APOO: variants seen among roughly 807,000 people sequenced by gnomAD.
APOO encodes MICOS complex subunit MIC26.
Under a neutral mutation model 23.1 loss-of-function variants are expected in APOO, and 11 were observed. The ratio of observed to expected loss-of-function variants is 0.48; its 90% CI spans 0.30 to 0.79. The LOEUF (loss-of-function observed/expected upper bound fraction) is 0.79, where lower values mean the gene tolerates loss of function less well. Ranked by LOEUF, APOO falls within the 30% of genes least tolerant of loss-of-function variation. APOO has a pLI of 0.07. For synonymous variants in APOO, 59 were observed against 54.8 expected (o/e 1.08, Z -0.34); for missense variants, 160 against 142.7 (o/e 1.12, Z -0.62).
chrX:23,876,941 CATTATAATTACAAAAACT>C (rs1925885972), intron 3 of APOO, among the ~76,000 whole-genome samples: 1 of 112,214 alleles, frequency 8.9e-6, no homozygotes, highest in African/African-American at 3.2e-5. Context: ...AAAACAAAAC[CATTATAATTACAAAAACT>C]ATTATAATTA....
At chrX:23,854,305 G>C (rs1175864462) in intron 7 of APOO, among the ~76,000 whole-genome samples, 1 of 111,760 alleles carries the variant, frequency 8.9e-6, no homozygotes, top group African/African-American at 3.2e-5. Context: ...TGGTGTGCGT[G>C]TGTGTCTGCA....
intron 7 of APOO, among the ~76,000 whole-genome samples, chrX:23,849,494 G>A (rs941877319): frequency 8.7e-5 from 9 of 103,749 alleles, no homozygotes; most frequent in South Asian, 4.6e-4. Flanking sequence ...AAACTCTATA[G>A]GTGAAATGTG....
At chrX:23,876,729 G>C (rs1369758004) in intron 3 of APOO, among the ~76,000 whole-genome samples, 1 of 111,493 alleles carries the variant, frequency 9.0e-6, no homozygotes, top group Non-Finnish European at 1.9e-5. Flanking sequence ...AACCCGGGAG[G>C]CGGAGGTTGC....
chrX:23,872,188 A>G (rs1316385153), intron 4 of APOO, among the ~76,000 whole-genome samples: 3 of 111,252 alleles, frequency 2.7e-5, no homozygotes, highest in African/African-American at 6.5e-5. Flanking sequence ...GGGAAAGAAG[A>G]TATGTTTTAA....
At chrX:23,840,027 G>GA in intron 8 of APOO, 2 of 161,239 alleles carry the variant, frequency 1.2e-5, no homozygotes, top group Non-Finnish European at 1.2e-5. Context: ...AGTGTTGTTT[G>GA]AAAAAAACCT....
chrX:23,873,019 C>A (rs1038535619), intron 4 of APOO, among the ~76,000 whole-genome samples: 1 of 109,721 alleles, frequency 9.1e-6, no homozygotes, highest in Admixed American at 9.8e-5. Context: ...CCACTGCACT[C>A]CAGCCTGGGC....
At chrX:23,850,920 GAACAA>G (rs1458610059) in intron 7 of APOO, among the ~76,000 whole-genome samples, 2 of 110,767 alleles carry the variant, frequency 1.8e-5, no homozygotes. Context: ...AATGTTAAGG[GAACAA>G]AACAAGTTGC....
At position 23,850,726 on chromosome X, in the gene APOO, C is replaced by A. The variant is rs1357483386; in HGVS notation, c.561+5576G>T. Among the ~76,000 whole-genome samples, 11 of 111,561 alleles carry A rather than the reference C, an allele frequency of 9.9e-5. 1 individual carries two copies. The highest frequency in any genetic ancestry group is 2.1e-4 in the Non-Finnish European group (11 of 53,215). On this transcript the variant is annotated intron_variant, in intron 7 of 8. Coordinates refer to ENST00000379226, the MANE Select transcript of APOO (RefSeq NM_024122.5). ...CCTGTAGTCCTAGCTACTCTGGAGG[C>A]TGAGGCAGGAGAATTGCTTGAACCC...
intron 7 of APOO, among the ~76,000 whole-genome samples, chrX:23,844,980 C>A (rs897210547): frequency 9.0e-6 from 1 of 111,139 alleles, no homozygotes; most frequent in Non-Finnish European, 1.9e-5. Context: ...TTATTTAATC[C>A]TCAAAACAGC....
At chrX:23,893,329 G>A (rs1235649885) in intron 1 of APOO, among the ~76,000 whole-genome samples, 3 of 109,078 alleles carry the variant, frequency 2.8e-5, no homozygotes, top group Non-Finnish European at 5.7e-5. Context: ...ATACTCAGGA[G>A]GCTGAGGCAG....
rs111534419 is a variant in APOO, at chrX:23,889,702, G to A, written c.10-8750C>T. Among the ~76,000 whole-genome samples, 320 of 87,590 alleles carry A rather than the reference G, an allele frequency of 3.7e-3. 2 individuals are homozygous for A. Among genetic ancestry groups the A allele is most frequent in the African/African-American group, 0.013 (291 of 22,438 alleles). 76.1% of individuals were successfully genotyped at this position (87,590 alleles called of 115,157 possible). A position where few individuals can be genotyped will look rare whatever the true frequency, so the allele number is the denominator to read the frequency against. On this transcript the variant is annotated intron_variant, in intron 1 of 8. Coordinates refer to ENST00000379226, the MANE Select transcript of APOO (RefSeq NM_024122.5). ...TTTTAAGACAGAGCCTCGCTCTGTC[G>A]CCCAGGCTGGAGTGCAGTGGTGCGA... is the stretch of plus-strand genomic sequence containing the variant.
At chrX:23,863,773 T>C (rs1325162827) in intron 5 of APOO, among the ~76,000 whole-genome samples, 1 of 110,533 alleles carries the variant, frequency 9.0e-6, no homozygotes, top group Non-Finnish European at 1.9e-5. Flanking sequence ...AAGAACTGTG[T>C]TGAAGTCTCA....
intron 1 of APOO, among the ~76,000 whole-genome samples, chrX:23,900,562 C>T (rs747272424): frequency 9.2e-6 from 1 of 108,440 alleles, no homozygotes; most frequent in East Asian, 2.9e-4. Flanking sequence ...GTAGTCCCAG[C>T]TACTTGGGAG....
intron 5 of APOO, among the ~76,000 whole-genome samples, chrX:23,863,019 T>C (rs1925156147): frequency 9.0e-6 from 1 of 110,796 alleles, no homozygotes; most frequent in African/African-American, 3.3e-5. Flanking sequence ...AGCCGCCATA[T>C]TGTTTGGGCA....
chrX:23,906,527 G>A (rs1927363979), intron 1 of APOO, among the ~76,000 whole-genome samples: 1 of 112,248 alleles, frequency 8.9e-6, no homozygotes, highest in Admixed American at 9.4e-5. Context: ...TAGTTAAACT[G>A]GCCACAGCAT....
chrX:23,882,920 T>C (rs1175282152), intron 1 of APOO, among the ~76,000 whole-genome samples: 1 of 110,794 alleles, frequency 9.0e-6, no homozygotes, highest in Non-Finnish European at 1.9e-5. Flanking sequence ...GTGCTGGGAT[T>C]ATAGGTGTGA....
At chrX:23,880,393 T>C (rs1171974368) in intron 2 of APOO, among the ~76,000 whole-genome samples, 1 of 111,876 alleles carries the variant, frequency 8.9e-6, no homozygotes, top group Non-Finnish European at 1.9e-5. Context: ...TAAGGAAATA[T>C]ATTTTCTCTG....
intron 4 of APOO, among the ~76,000 whole-genome samples, chrX:23,873,427 T>C (rs1267934176): frequency 1.8e-5 from 2 of 110,670 alleles, no homozygotes; most frequent in African/African-American, 6.6e-5. Context: ...GCTAACAAGG[T>C]GAAACCCTGT....
intron 1 of APOO, among the ~76,000 whole-genome samples, chrX:23,907,124 C>T (rs573063261): frequency 9.0e-6 from 1 of 111,531 alleles, no homozygotes; most frequent in East Asian, 2.8e-4. Flanking sequence ...GATTTTTTTC[C>T]AAAGGACACG....
Sources: gnomAD v4.1 joint callset for allele counts (sites outside exome capture counted in the v4.1 genomes callset) on GRCh38, gnomAD v4.1.1 for gene constraint, MANE v1.5 for transcripts, NCBI Gene and HGNC (gene_info 2026-07-23, HGNC 2026-07-21) for gene names.